Variants in METTL15 observed in about 807,000 individuals in gnomAD.
METTL15 encodes methyltransferase 15, mitochondrial 12S rRNA N4-cytidine.
A neutral mutation model predicts 38.3 loss-of-function variants in METTL15; 34 were observed. That is an observed-to-expected ratio of 0.89 (90% CI 0.68 to 1.18). The LOEUF is 1.18. Ranked by LOEUF, METTL15 falls within the 50% of genes most tolerant of loss-of-function variation. METTL15 has a pLI of 0.00. For missense variants in METTL15, 438 were observed against 498.4 expected (o/e 0.88, Z 1.15); for synonymous variants, 162 against 170.9 (o/e 0.95, Z 0.41).
chr11:28,387,480 C>A (rs540084225), intron 5 of METTL15, among the ~76,000 whole-genome samples: 12 of 151,842 alleles, frequency 7.9e-5, no homozygotes, highest in African/African-American at 2.9e-4. Context: ...TGCAAACTAC[C>A]AAAACCGAAT....
intron 3 of METTL15, among the ~76,000 whole-genome samples, chr11:28,191,182 T>C (rs1851687735): frequency 6.6e-6 from 1 of 151,514 alleles, no homozygotes; most frequent in Non-Finnish European, 1.5e-5. Flanking sequence ...ACAATACTTT[T>C]ATTTAAAATT....
intron 6 of METTL15, among the ~76,000 whole-genome samples, chr11:28,487,688 G>A (rs1162866717): frequency 1.3e-5 from 2 of 152,012 alleles, no homozygotes; most frequent in African/African-American, 4.8e-5. Context: ...AAGGTATAAA[G>A]GACCACAGAT....
At chr11:28,461,504 G>T (rs1469954100) in intron 6 of METTL15, among the ~76,000 whole-genome samples, 1 of 151,904 alleles carries the variant, frequency 6.6e-6, no homozygotes, top group African/African-American at 2.4e-5. Context: ...GGGAAATCCT[G>T]TCTGTTATAC....
intron 6 of METTL15, among the ~76,000 whole-genome samples, chr11:28,470,505 C>T (rs150200572): frequency 2.0e-5 from 3 of 152,198 alleles, no homozygotes; most frequent in African/African-American, 7.2e-5. Context: ...CTGTGATGAA[C>T]AGAGCTGCAG....
At chr11:28,348,880 G>A (rs964392069) in intron 3 of METTL15, among the ~76,000 whole-genome samples, 63 of 152,136 alleles carry the variant, frequency 4.1e-4, no homozygotes, top group Admixed American at 1.4e-3. Context: ...CATTCTTTGA[G>A]TATTTCCTTT....
chr11:28,336,939 A>T (rs573918597), downstream of METTL15, among the ~76,000 whole-genome samples: 1 of 152,266 alleles, frequency 6.6e-6, no homozygotes, highest in East Asian at 1.9e-4. Flanking sequence ...TGACAGTTCT[A>T]TGTACATTAT....
chr11:28,167,264 T>C (rs956085547), intron 3 of METTL15, among the ~76,000 whole-genome samples: 1 of 152,170 alleles, frequency 6.6e-6, no homozygotes, highest in Admixed American at 6.6e-5. Flanking sequence ...GGCTGTCTTA[T>C]GCAGAAAAGG....
intron 6 of METTL15, among the ~76,000 whole-genome samples, chr11:28,464,008 C>T (rs905311925): frequency 5.3e-5 from 8 of 151,988 alleles, no homozygotes; most frequent in Admixed American, 1.3e-4. Flanking sequence ...GTCATTCCTG[C>T]GCTATGACCT....
At chr11:28,356,881 T>C (rs1850095050) in intron 4 of METTL15, among the ~76,000 whole-genome samples, 1 of 152,182 alleles carries the variant, frequency 6.6e-6, no homozygotes, top group African/African-American at 2.4e-5. Flanking sequence ...TGAACCAGGA[T>C]GTGCTCCTGG....
intron 6 of METTL15, among the ~76,000 whole-genome samples, chr11:28,432,213 A>C (rs1850938611): frequency 6.6e-6 from 1 of 152,254 alleles, no homozygotes; most frequent in Non-Finnish European, 1.5e-5. Flanking sequence ...GATGGAAAAG[A>C]ATAAAGACAT....
intron 6 of METTL15, among the ~76,000 whole-genome samples, chr11:28,501,715 C>T (rs1851584081): frequency 6.6e-6 from 1 of 152,140 alleles, no homozygotes; most frequent in Non-Finnish European, 1.5e-5. Context: ...AGACCAGTCT[C>T]ATGTCAGTGG....
chr11:28,509,004 A>T (rs775539707), intron 6 of METTL15, among the ~76,000 whole-genome samples: 7 of 152,204 alleles, frequency 4.6e-5, no homozygotes, highest in Non-Finnish European at 7.3e-5. Context: ...CTAGACCATG[A>T]TATCTACTGT....
chr11:28,318,417 G>A (rs981082173), intron 6 of METTL15, among the ~76,000 whole-genome samples: 5 of 152,026 alleles, frequency 3.3e-5, no homozygotes, highest in African/African-American at 1.2e-4. Context: ...CAGCACATTA[G>A]TGAGTATTAA....
At chr11:28,125,966 A>G (rs1852464612) in intron 3 of METTL15, 1 of 152,032 alleles carries the variant, frequency 6.6e-6, no homozygotes, top group African/African-American at 2.4e-5. Flanking sequence ...ATGGCTATGT[A>G]TTTTTGGGTG....
rs144782256 is a variant in METTL15 at position 28,211,785 on chromosome 11, A to T, written c.407+587A>T. On this transcript the variant is annotated intron_variant, in intron 4 of 6. Transcript: ENST00000407364. The stretch of plus-strand genomic sequence containing the variant: ...TTTTGAATTAGGGAGTAGACATGGT[A>T]TGTTGTTTAAAGCCATCATTTTAAA... Among the ~76,000 whole-genome samples the T allele has an allele frequency of 6.8e-4, 103 of 152,220 alleles. No homozygotes were observed. In the East Asian group the frequency reaches 0.018, roughly 27 times the overall value.
chr11:28,255,073 C>G (rs1854917270), intron 4 of METTL15, among the ~76,000 whole-genome samples: 1 of 152,052 alleles, frequency 6.6e-6, no homozygotes, highest in Non-Finnish European at 1.5e-5. Flanking sequence ...GGCATTTTAA[C>G]AATATTCTTC....
rs1391206101 is a variant in METTL15, at chr11:28,292,406, G to A, written c.599+2009G>A. ...CGTGAACTCATCCTTTTTTATGGCT[G>A]CATAGTATTCCATGATGTATATGTG... On this transcript the variant is annotated intron_variant, in intron 5 of 6. Coordinates refer to ENST00000407364, the MANE Select transcript of METTL15 (RefSeq NM_001113528.2). 2.0e-5 allele frequency among the ~76,000 whole-genome samples: 3 copies of A among 151,980 alleles called. No individual in the cohort carries two copies. The East Asian group carries it at 5.8e-4, about 29-fold the overall frequency.
intron 6 of METTL15, among the ~76,000 whole-genome samples, chr11:28,430,376 G>A (rs1192805080): frequency 2.4e-5 from 2 of 83,128 alleles, no homozygotes; most frequent in South Asian, 5.2e-4. Flanking sequence ...AGGAGGTGGG[G>A]GGGTCAGCCC....
chr11:28,422,472 G>T (rs1367682074), intron 5 of METTL15, among the ~76,000 whole-genome samples: 1 of 151,876 alleles, frequency 6.6e-6, no homozygotes, highest in African/African-American at 2.4e-5. Context: ...ACAGCATGGT[G>T]CTGGCATAAA....
Sources: allele counts gnomAD v4.1 joint callset (sites outside exome capture counted in the v4.1 genomes callset), GRCh38; gene constraint gnomAD v4.1.1; transcripts MANE v1.5; gene names NCBI Gene and HGNC (gene_info 2026-07-23, HGNC 2026-07-21).